TMEM192: variants seen among roughly 807,000 people sequenced by gnomAD.
TMEM192 encodes the protein transmembrane protein 192.
TMEM192 carries 20 observed loss-of-function variants against 26.7 expected under a neutral mutation model. The ratio of observed to expected loss-of-function variants is 0.75; its 90% CI spans 0.53 to 1.09. The LOEUF is 1.09. TMEM192 is among the 50% of genes least tolerant of loss of function. The pLI is 0.00. For missense variants in TMEM192, 304 were observed against 322.6 expected, an observed-to-expected ratio of 0.94 and a Z score of 0.44; for synonymous variants, 124 against 121.0, an observed-to-expected ratio of 1.02 and a Z score of -0.16.
chr4:165,100,520 A>G (rs559729247), intron 3 of TMEM192, 108 bp downstream of exon 3: 158 of 1,319,358 alleles, frequency 1.2e-4, no homozygotes, highest in Middle Eastern at 9.5e-4. Flanking sequence ...CATCAACCTT[A>G]CAAAAATGAG....
intron 3 of TMEM192, among the ~76,000 whole-genome samples, chr4:165,088,992 GGTC>G (rs1458128333): frequency 1.5e-5 from 2 of 130,462 alleles, no homozygotes; most frequent in Non-Finnish European, 3.1e-5. Context: ...AGTGAGCTGA[GGTC>G]GTGTCACTGC....
At chr4:165,103,185 C>A (rs182499156) in intron 1 of TMEM192, 89 bp from the exon 2 acceptor site, 3 of 1,261,582 alleles carry the variant, frequency 2.4e-6, no homozygotes, top group Non-Finnish European at 3.1e-6. Context: ...AGCTTTTTAA[C>A]CACATACAAA....
intron 3 of TMEM192, among the ~76,000 whole-genome samples, chr4:165,099,261 GTTT>G (rs575216772): frequency 1.1e-4 from 16 of 147,914 alleles, no homozygotes; most frequent in Non-Finnish European, 2.1e-4. Context: ...TAATTTTTGT[GTTT>G]TTAGTAGAGA....
rs1258498710 is a variant in TMEM192 at position 165,070,964 on chromosome 4, G to A, written c.*8694C>T. ...AGACACAGACAAAGTAAACAAGTAAGTTACATGCAGTATTTTCCCCTTATC... is the reference window on the plus strand; with the variant it reads ...AGACACAGACAAAGTAAACAAGTAAATTACATGCAGTATTTTCCCCTTATC... On this transcript the variant is annotated 3_prime_UTR_variant, in exon 6 of 6. Transcript: ENST00000306480. The A allele has an allele frequency of 6.6e-6, 1 of 152,160 alleles. No homozygotes were observed. The highest frequency in any genetic ancestry group is 2.4e-5 in the African/African-American group (1 of 41,424). The allele number at this position is 152,160 out of a possible 1,614,324, so 9.4% of individuals were successfully genotyped here. A position where few individuals can be genotyped will look rare whatever the true frequency, so the allele number is the denominator to read the frequency against.
chr4:165,100,107 A>G (rs1735003666), intron 3 of TMEM192, among the ~76,000 whole-genome samples: 3 of 152,202 alleles, frequency 2.0e-5, no homozygotes, highest in Non-Finnish European at 4.4e-5. Context: ...CCATGTTCAT[A>G]ACAAATAACA....
chr4:165,088,856 T>G (rs1264959405), intron 3 of TMEM192, among the ~76,000 whole-genome samples: 1 of 151,446 alleles, frequency 6.6e-6, no homozygotes, highest in East Asian at 1.9e-4. Context: ...TTAGGCAACA[T>G]AGCAAGACCC....
At chr4:165,092,476 C>T (rs1734790996) in intron 3 of TMEM192, among the ~76,000 whole-genome samples, 1 of 152,154 alleles carries the variant, frequency 6.6e-6, no homozygotes, top group South Asian at 2.1e-4. Flanking sequence ...AGAACAGTGC[C>T]TGGCCTGTAA....
chr4:165,087,767 C>T (rs1734656815), intron 4 of TMEM192, among the ~76,000 whole-genome samples: 2 of 152,118 alleles, frequency 1.3e-5, no homozygotes, highest in South Asian at 4.1e-4. Context: ...TGACGAAACC[C>T]CATCTCTATT....
At chr4:165,086,600 T>C (rs1734621573) in intron 4 of TMEM192, among the ~76,000 whole-genome samples, 1 of 151,984 alleles carries the variant, frequency 6.6e-6, no homozygotes, top group African/African-American at 2.4e-5. Context: ...TTTTTTTGTA[T>C]TTTCAGTAGA....
At chr4:165,096,961 C>T (rs200640708) in intron 3 of TMEM192, among the ~76,000 whole-genome samples, 7 of 149,954 alleles carry the variant, frequency 4.7e-5, no homozygotes, top group Non-Finnish European at 8.9e-5. Context: ...TAAGTTTTTT[C>T]TTTTTTTTTA....
chr4:165,088,543 A>G lies in TMEM192; in HGVS notation c.499T>C (p.Leu167=). 1 of 1,613,628 alleles carries G rather than the reference A, an allele frequency of 6.2e-7. No individual in the cohort carries two copies. The highest frequency in any genetic ancestry group is 8.5e-7 in the Non-Finnish European group (1 of 1,179,802). The stretch of plus-strand genomic sequence containing the variant: ...ATGGCCAGAATGAGGTCAAGATACA[A>G]TCTGCCAGGCTCTGGGAAGGAGTGC... ...MQHSFPEPGR[L]YLDLILAILA... is the part of the protein sequence containing the mutation. Residue 167 remains leucine (L), a synonymous_variant, in exon 4 of 6, where the codon TTG becomes CTG. Coordinates refer to ENST00000306480, the MANE Select transcript of TMEM192 (RefSeq NM_001100389.2).
chr4:165,078,457 CAT>C lies in TMEM192; in HGVS notation c.*1199_*1200del. 6.6e-6 allele frequency: 1 copy of C among 152,306 alleles called. No individual in the cohort carries two copies. 9.4% of individuals were successfully genotyped at this position (152,306 alleles called of 1,614,324 possible). ...CAGAATCAGATATGTTTAATATCTGCATATAACTTAATATGCATTTCTTCCAT... is the reference window on the plus strand; with the variant it reads ...CAGAATCAGATATGTTTAATATCTGCATAACTTAATATGCATTTCTTCCAT... On this transcript the variant is annotated 3_prime_UTR_variant, in exon 6 of 6. Coordinates refer to ENST00000306480, the MANE Select transcript of TMEM192 (RefSeq NM_001100389.2).
chr4:165,096,011 T>C (rs1411965250), intron 3 of TMEM192, among the ~76,000 whole-genome samples: 1 of 150,804 alleles, frequency 6.6e-6, no homozygotes, highest in Non-Finnish European at 1.5e-5. Flanking sequence ...TGGCCAGGCC[T>C]GTCTTGGACT....
At chr4:165,081,454 G>C (rs1204426580) in intron 5 of TMEM192, among the ~76,000 whole-genome samples, 1 of 139,588 alleles carries the variant, frequency 7.2e-6, no homozygotes. Flanking sequence ...TGCGATCTCA[G>C]CTCACTGCAA....
chr4:165,100,755 C>T lies in TMEM192; in HGVS notation c.312G>A (p.Trp104Ter), dbSNP rs1037201768. The stretch of plus-strand genomic sequence containing the variant: ...AGCATTCAAGGAGTAAATGGAGAAT[C>T]CACAAAATAACTTTCCCAAGGATTA... ...TVIILGKVILWILHLLLECYI... is the reference protein window; with the variant it reads ...TVIILGKVIL Residue 104 changes from tryptophan to a stop codon, truncating the protein, a stop_gained, in exon 3 of 6, where the codon TGG (tryptophan) becomes TGA (stop). Transcript: ENST00000306480. LOFTEE classifies it high-confidence loss of function. The T allele has an allele frequency of 1.2e-6, 2 of 1,613,824 alleles. No individual in the cohort carries two copies.
chr4:165,086,337 G>A (rs1329950436), intron 4 of TMEM192, among the ~76,000 whole-genome samples: 1 of 152,016 alleles, frequency 6.6e-6, no homozygotes, highest in African/African-American at 2.4e-5. Context: ...TGGGTGTGAG[G>A]GTGTATGGAC....
intron 3 of TMEM192, among the ~76,000 whole-genome samples, chr4:165,097,552 G>A (rs1578908597): frequency 7.5e-6 from 1 of 132,520 alleles, no homozygotes; most frequent in African/African-American, 2.8e-5. Flanking sequence ...AAAAATAAAA[G>A]TTAAATTCTG....
chr4:165,096,400 CA>C (rs1268819162), intron 3 of TMEM192, among the ~76,000 whole-genome samples: 13 of 144,418 alleles, frequency 9.0e-5, no homozygotes, highest in South Asian at 2.2e-4. Flanking sequence ...GCAAGACTCT[CA>C]AAAAAAAAAT....
chr4:165,086,720 C>T (rs866367322), intron 4 of TMEM192, among the ~76,000 whole-genome samples: 15 of 152,070 alleles, frequency 9.9e-5, no homozygotes, highest in African/African-American at 3.4e-4. Context: ...TCACCAGGCC[C>T]GGCCTAAGAC....
Sources: gnomAD v4.1 joint callset for allele counts (sites outside exome capture counted in the v4.1 genomes callset) on GRCh38, gnomAD v4.1.1 for gene constraint, MANE v1.5 for transcripts, NCBI Gene and HGNC (gene_info 2026-07-23, HGNC 2026-07-21) for gene names.